The following PTPRU variants were observed in gnomAD, a reference collection of about 807,000 sequenced individuals.
PTPRU encodes protein tyrosine phosphatase receptor type U.
Under a neutral mutation model 166.3 loss-of-function variants are expected in PTPRU, and 69 were observed. The observed-to-expected ratio is 0.41, with a 90% CI of 0.34 to 0.51. The LOEUF (loss-of-function observed/expected upper bound fraction) is 0.51, where lower values mean the gene tolerates loss of function less well. PTPRU is among the 20% of genes least tolerant of loss of function. The pLI is 0.09. For synonymous variants in PTPRU, 793 were observed against 814.0 expected (o/e 0.97, Z 0.44); for missense variants, 1,657 against 2,013.7 (o/e 0.82, Z 3.39).
chr1:29,282,344 T>C (rs1686117013), intron 11 of PTPRU, among the ~76,000 whole-genome samples: 1 of 152,218 alleles, frequency 6.6e-6, no homozygotes, highest in Admixed American at 6.5e-5. Context: ...GGAAGCAGGC[T>C]GGGGCCTTAT....
intron 1 of PTPRU, among the ~76,000 whole-genome samples, chr1:29,246,616 A>G (rs939323882): frequency 2.7e-5 from 4 of 150,146 alleles, no homozygotes; most frequent in African/African-American, 9.8e-5. Flanking sequence ...TCCACACAGC[A>G]TCTATTTTTT....
In PTPRU at chr1:29,320,766, G is replaced by A. The variant is rs762890533; in HGVS notation, c.3769G>A (p.Asp1257Asn). The change falls in exon 26 of 30, where the codon GAT becomes AAT. Residue 1257 changes from aspartate (D) to asparagine (N), a missense_variant. Physicochemically the swap from Asp to Asn is conservative, Grantham distance 23. This residue lies in a region of PTPRU where 1,190 missense variants were observed against 1,477.4 expected (regional missense o/e 0.81). Transcript: ENST00000373779. This position sits in a 1 kb window ranked among gnomAD's most constrained non-coding sequence, Gnocchi z 5.2. ...GCCCGACTTCTGGCGGCTGGTCTAC[G>A]ATTACGGGTGCACCTCCATCGTCAT... ...TTPDFWRLVY[D>N]YGCTSIVMLN... 23 of 1,608,008 alleles carry A rather than the reference G, an allele frequency of 1.4e-5. No homozygotes were observed. The highest frequency in any genetic ancestry group is 3.3e-5 in the South Asian group (3 of 90,740).
In PTPRU at chr1:29,266,010, GTTTTTTTTTTTTTT is replaced by G. The variant is rs34163524; in HGVS notation, c.1144+5121_1144+5134del. Among the ~76,000 whole-genome samples the G allele has an allele frequency of 2.3e-4, 18 of 79,232 alleles. No individual in the cohort carries two copies. The South Asian group carries it at 7.6e-3, about 33-fold the overall frequency. The allele number at this position is 79,232 out of a possible 152,430, so 52.0% of individuals were successfully genotyped here. ...CTGTCTCCCAAAGATTTTCTCCTGG[GTTTTTTTTTTTTTT>G]TTTTTTTTTTTTTGATACGGAGTTT... On this transcript the variant is annotated intron_variant, in intron 7 of 29. Coordinates refer to ENST00000373779, the MANE Select transcript of PTPRU (RefSeq NM_133178.4).
rs1161515242 is a variant in PTPRU, at chr1:29,326,769, G to T, written c.*1108G>T. 6.6e-6 allele frequency: 1 copy of T among 152,214 alleles called. No individual in the cohort carries two copies. Among genetic ancestry groups the T allele is most frequent in the Non-Finnish European group, 1.5e-5 (1 of 68,080 alleles). 9.4% of individuals were successfully genotyped at this position (152,214 alleles called of 1,614,324 possible). A position where few individuals can be genotyped will look rare whatever the true frequency, so the allele number is the denominator to read the frequency against. On this transcript the variant is annotated 3_prime_UTR_variant, in exon 30 of 30. Coordinates refer to ENST00000373779, the MANE Select transcript of PTPRU (RefSeq NM_133178.4). Reference sequence around the variant, plus strand: ...AGGCATAAGCTGATGTTTGTAAAGCGCTTTGTAAATAAACGTGCTCTCTGA... The same window carrying T: ...AGGCATAAGCTGATGTTTGTAAAGCTCTTTGTAAATAAACGTGCTCTCTGA...
In PTPRU at chr1:29,310,698, G is replaced by A. The variant is rs752553072; in HGVS notation, c.2821-46G>A. ...GGGTAGAGGAGGTGTGGGGGAGTGA[G>A]GGGCTACTCCCTGGGGTCTAACCGT... On this transcript the variant is annotated intron_variant, in intron 18 of 29. Coordinates refer to ENST00000373779, the MANE Select transcript of PTPRU (RefSeq NM_133178.4). 29 of 1,581,664 alleles carry A rather than the reference G, an allele frequency of 1.8e-5. No homozygotes were observed. In the African/African-American group the frequency reaches 3.8e-4, roughly 21 times the overall value.
chr1:29,247,442 T>C lies in PTPRU; in HGVS notation c.74-7833T>C, dbSNP rs868554084. On this transcript the variant is annotated intron_variant, in intron 1 of 29. Coordinates refer to ENST00000373779, the MANE Select transcript of PTPRU (RefSeq NM_133178.4). ...CTGTCTCTACACTGCAAAGCTGCTGTACTGCACCCTCCACACACTGCACTG... is the reference window on the plus strand; with the variant it reads ...CTGTCTCTACACTGCAAAGCTGCTGCACTGCACCCTCCACACACTGCACTG... Among the ~76,000 whole-genome samples the C allele has an allele frequency of 1.1e-4, 17 of 152,372 alleles. 1 individual carries two copies. In the Middle Eastern group the frequency reaches 0.017, roughly 152 times the overall value.
At chr1:29,316,926 G>A (rs1286570349) in intron 24 of PTPRU, among the ~76,000 whole-genome samples, 1 of 152,126 alleles carries the variant, frequency 6.6e-6, no homozygotes, top group Non-Finnish European at 1.5e-5. Flanking sequence ...GAAAAGGCTG[G>A]TTCTCCAGAG....
At chr1:29,292,169 A>G in intron 15 of PTPRU, 143 bp downstream of exon 15, 3 of 1,121,892 alleles carry the variant, frequency 2.7e-6, no homozygotes, top group Non-Finnish European at 3.7e-6. Context: ...TACCTTCTGG[A>G]TATAGAGCCA....
chr1:29,258,007 C>CAGGCTGGAGTGCAGTG (rs1335493100), intron 2 of PTPRU, among the ~76,000 whole-genome samples: 1 of 152,116 alleles, frequency 6.6e-6, no homozygotes. Context: ...CTCTGTCACC[C>CAGGCTGGAGTGCAGTG]AGGCTGGAGT....
chr1:29,251,366 G>T (rs1317386607), intron 1 of PTPRU, among the ~76,000 whole-genome samples: 1 of 152,210 alleles, frequency 6.6e-6, no homozygotes, highest in Non-Finnish European at 1.5e-5. Flanking sequence ...TTTGGCAGAG[G>T]TCAGGGGTCA....
Position 29,236,759 on chromosome 1 carries a change from T to C in PTPRU, c.73+42T>C. ...CGGACCGAGCCTGCCCCGCCGAGCC[T>C]CGGGGCCCGTGGCGTAGCTCGGAAG... On this transcript the variant is annotated intron_variant, in intron 1 of 29. Coordinates refer to ENST00000373779, the MANE Select transcript of PTPRU (RefSeq NM_133178.4). This position sits in a 1 kb window ranked among gnomAD's most constrained non-coding sequence, Gnocchi z 4.6. 1 of 1,380,238 alleles carries C rather than the reference T, an allele frequency of 7.2e-7. No homozygotes were observed. The highest frequency in any genetic ancestry group is 9.4e-7 in the Non-Finnish European group (1 of 1,067,144). The allele number at this position is 1,380,238 out of a possible 1,614,324, so 85.5% of individuals were successfully genotyped here.
intron 1 of PTPRU, among the ~76,000 whole-genome samples, chr1:29,245,555 C>A (rs1208008127): frequency 6.6e-6 from 1 of 152,188 alleles, no homozygotes; most frequent in Non-Finnish European, 1.5e-5. Context: ...AGCCCTGTGT[C>A]TCAGCCCTCT....
intron 3 of PTPRU, 100 bp from the exon 4 acceptor site, chr1:29,259,161 A>C (rs1684905780): frequency 1.6e-6 from 2 of 1,259,020 alleles, no homozygotes; most frequent in Admixed American, 4.1e-5. Flanking sequence ...GACCTCTGCT[A>C]GTTGAGGCAG....
intron 12 of PTPRU, 61 bp from the exon 13 acceptor site, chr1:29,283,879 C>T: frequency 1.2e-6 from 2 of 1,601,450 alleles, no homozygotes; most frequent in African/African-American, 1.3e-5. Context: ...CTGAGGTTCC[C>T]ACCCTGGGGA....
In PTPRU at chr1:29,238,595, C is replaced by T. The variant is rs1314448928; in HGVS notation, c.73+1878C>T. ...CGCCGGCCACTGGCCAGCGCTTGGG[C>T]CTCGCCCTGCAGCTCCGGGGCCATA... On this transcript the variant is annotated intron_variant, in intron 1 of 29. Transcript: ENST00000373779. The surrounding 1 kb of genome is among the most constrained non-coding windows in gnomAD (Gnocchi z 6.1). 6.6e-6 allele frequency among the ~76,000 whole-genome samples: 1 copy of T among 152,220 alleles called. No individual in the cohort carries two copies. The highest frequency in any genetic ancestry group is 1.9e-4 in the East Asian group (1 of 5,180).
chr1:29,317,759 G>T lies in PTPRU; in HGVS notation c.3525G>T (p.Ser1175=), dbSNP rs2235941. 2,073 of 1,608,786 alleles carry T rather than the reference G, an allele frequency of 1.3e-3. 35 individuals are homozygous for T. The East Asian group carries it at 0.033, about 25-fold the overall frequency. ...QLREEFQTLN[S]VTPPLDVEEC... ...CCCGCTCCCTGTAGACGCTGAACTC[G>T]GTCACCCCGCCGCTGGACGTGGAGG... Residue 1175 remains serine, a synonymous_variant, in exon 25 of 30, where the codon TCG becomes TCT. Coordinates refer to ENST00000373779, the MANE Select transcript of PTPRU (RefSeq NM_133178.4). This position sits in a 1 kb window ranked among gnomAD's most constrained non-coding sequence, Gnocchi z 5.6.
In PTPRU at chr1:29,280,223, C is replaced by A; in HGVS notation, c.1868+82C>A. On this transcript the variant is annotated intron_variant, in intron 11 of 29. Transcript: ENST00000373779. This position sits in a 1 kb window ranked among gnomAD's most constrained non-coding sequence, Gnocchi z 4.2. ...CTCTGACCCAGAGCCCCATCCCAGGCCAGCTCACCCTTTTCCTCCCTCAGT... is the reference window on the plus strand; with the variant it reads ...CTCTGACCCAGAGCCCCATCCCAGGACAGCTCACCCTTTTCCTCCCTCAGT... 1 of 1,342,802 alleles carries A rather than the reference C, an allele frequency of 7.4e-7. No homozygotes were observed. Among genetic ancestry groups the A allele is most frequent in the Non-Finnish European group, 1.0e-6 (1 of 960,070 alleles). The allele number at this position is 1,342,802 out of a possible 1,614,324, so 83.2% of individuals were successfully genotyped here.
chr1:29,297,099 G>C (rs1385225061), intron 15 of PTPRU, among the ~76,000 whole-genome samples: 1 of 146,762 alleles, frequency 6.8e-6, no homozygotes, highest in Non-Finnish European at 1.5e-5. Flanking sequence ...TGTCGCCCAG[G>C]CTGGAGTGCA....
At chr1:29,295,336 C>T (rs577595122) in intron 15 of PTPRU, among the ~76,000 whole-genome samples, 30 of 152,184 alleles carry the variant, frequency 2.0e-4, no homozygotes, top group East Asian at 7.7e-4. Flanking sequence ...TGAGCCATCA[C>T]GCTCGGCTAA....
Sources: gnomAD v4.1 joint callset for allele counts (sites outside exome capture counted in the v4.1 genomes callset) on GRCh38, gnomAD v4.1.1 for gene constraint, gnomAD v4.1.1 regional missense constraint, Gnocchi (gnomAD v3.1) non-coding constraint, MANE v1.5 for transcripts, NCBI Gene and HGNC (gene_info 2026-07-23, HGNC 2026-07-21) for gene names.